SLC34A1: variants seen among roughly 807,000 people sequenced by gnomAD.
The protein encoded by SLC34A1 is sodium-dependent phosphate transport protein 2A.
SLC34A1 carries 57 observed loss-of-function variants against 51.4 expected under a neutral mutation model. The ratio of observed to expected loss-of-function variants is 1.11; its 90% CI spans 0.90 to 1.38. SLC34A1 has a LOEUF of 1.38. Among genes scored for constraint, SLC34A1 ranks in the 40% most tolerant of loss-of-function variants. SLC34A1 has a pLI of 0.00. For missense variants in SLC34A1, 796 were observed against 835.6 expected, an observed-to-expected ratio of 0.95 and a Z score of 0.58; for synonymous variants, 368 against 358.0, an observed-to-expected ratio of 1.03 and a Z score of -0.32.
At chr5:177,390,845 T>G (rs1416650533) in intron 8 of SLC34A1, among the ~76,000 whole-genome samples, 2 of 152,096 alleles carry the variant, frequency 1.3e-5, no homozygotes, top group African/African-American at 4.8e-5. Context: ...TAATTTAGGG[T>G]GTCCCTATAG....
intron 10 of SLC34A1, among the ~76,000 whole-genome samples, chr5:177,395,312 C>T (rs1001738105): frequency 2.6e-5 from 4 of 152,106 alleles, no homozygotes; most frequent in African/African-American, 4.8e-5. Flanking sequence ...GTTTCCAATG[C>T]GCTGTTTGAG....
intron 10 of SLC34A1, among the ~76,000 whole-genome samples, chr5:177,395,872 G>A (rs1762938845): frequency 6.6e-6 from 1 of 152,172 alleles, no homozygotes. Flanking sequence ...GGCCTCAAGT[G>A]AACCTCTCGC....
chr5:177,393,084 A>ACAGC (rs1762856500), intron 8 of SLC34A1, among the ~76,000 whole-genome samples: 1 of 152,152 alleles, frequency 6.6e-6, no homozygotes, highest in Admixed American at 6.5e-5. Context: ...TCTTCCACAC[A>ACAGC]CAGCCCGAGC....
chr5:177,386,544 C>T lies in SLC34A1; in HGVS notation c.510C>T (p.Ile170=), dbSNP rs552176812. 8.7e-5 allele frequency: 140 copies of T among 1,614,068 alleles called. 1 individual carries two copies. In the East Asian group the frequency reaches 2.0e-3, roughly 23 times the overall value. Residue 170 remains isoleucine (I), a synonymous_variant, in exon 5 of 13, where the codon ATC becomes ATT. Transcript: ENST00000324417. This position sits in a 1 kb window ranked among gnomAD's most constrained non-coding sequence, Gnocchi z 4.8. ...VQSSSTSTSI[I]VSMVSSGLLE... is the part of the protein sequence containing the mutation. Reference sequence around the variant, plus strand: ...GCTCCAGCACCTCCACATCCATCATCGTCAGCATGGTCTCCTCTGGCTGTG... The same window carrying T: ...GCTCCAGCACCTCCACATCCATCATTGTCAGCATGGTCTCCTCTGGCTGTG...
At position 177,398,744 on chromosome 5, in the gene SLC34A1, C is replaced by T. The variant is rs923925541; in HGVS notation, c.*458C>T. 5.1e-6 allele frequency: 1 copy of T among 195,350 alleles called. No homozygotes were observed. Among genetic ancestry groups the T allele is most frequent in the African/African-American group, 2.3e-5 (1 of 42,770 alleles). 12.1% of individuals were successfully genotyped at this position (195,350 alleles called of 1,614,324 possible). On this transcript the variant is annotated 3_prime_UTR_variant, in exon 13 of 13. Coordinates refer to ENST00000324417, the MANE Select transcript of SLC34A1 (RefSeq NM_003052.5). The surrounding 1 kb of genome is among the most constrained non-coding windows in gnomAD (Gnocchi z 4.7). ...TGCCACCTTCCTTCCTCCAAGATACCATCTCCTCATCCTAACCCAGGTCTT... is the reference window on the plus strand; with the variant it reads ...TGCCACCTTCCTTCCTCCAAGATACTATCTCCTCATCCTAACCCAGGTCTT...
Position 177,398,191 on chromosome 5 carries a change from C to T in SLC34A1, c.1825C>T (p.Pro609Ser), listed in dbSNP as rs931407217. The part of the protein sequence containing the change: ...CCARPEPRSP[P>S]LPPRVFLEEL... ...TGCCAGGCCTGAGCCCCGCTCACCC[C>T]CGCTGCCCCCCAGGGTCTTCCTGGA... Residue 609 changes from proline (P) to serine (S), a missense_variant, in exon 13 of 13, where the codon CCG (proline) becomes TCG (serine). By Grantham distance (74) the Pro-to-Ser change is moderately conservative. Coordinates refer to ENST00000324417, the MANE Select transcript of SLC34A1 (RefSeq NM_003052.5). The surrounding 1 kb of genome is among the most constrained non-coding windows in gnomAD (Gnocchi z 4.7). 2.1e-5 allele frequency: 34 copies of T among 1,610,024 alleles called. No individual in the cohort carries two copies. Among genetic ancestry groups the T allele is most frequent in the Non-Finnish European group, 2.9e-5 (34 of 1,179,886 alleles).
chr5:177,390,527 T>G (rs1762764721), intron 8 of SLC34A1: 1 of 274,438 alleles, frequency 3.6e-6, no homozygotes, highest in African/African-American at 2.3e-5. Context: ...TCTCGTTGCC[T>G]CTCTCACTCA....
chr5:177,386,329 C>G lies in SLC34A1; in HGVS notation c.368C>G (p.Ser123Trp). ...GTCTGCTCCCTGGACATGCTCAGCT[C>G]GGCCTTCCAGCTGGCTGGAGGTAGG... ...LFVCSLDMLS[S>W]AFQLAGGKVA... The change falls in exon 4 of 13, where the codon TCG (serine) becomes TGG (tryptophan). Residue 123 changes from serine (S) to tryptophan (W), a missense_variant. Ser to Trp is a radical substitution (Grantham distance 177). Transcript: ENST00000324417. The surrounding 1 kb of genome is among the most constrained non-coding windows in gnomAD (Gnocchi z 4.8). 6.2e-7 allele frequency: 1 copy of G among 1,614,264 alleles called. No individual in the cohort carries two copies. Among genetic ancestry groups the G allele is most frequent in the Non-Finnish European group, 8.5e-7 (1 of 1,180,048 alleles).
At chr5:177,394,228 C>T (rs1280391927) in intron 10 of SLC34A1, 33 bp downstream of exon 10, 1 of 1,609,728 alleles carries the variant, frequency 6.2e-7, no homozygotes, top group Admixed American at 1.7e-5. Context: ...GGCAGGGCCA[C>T]AGGATGGGCC....
At position 177,396,586 on chromosome 5, in the gene SLC34A1, G is replaced by A. The variant is rs78939865; in HGVS notation, c.1175-147G>A. On this transcript the variant is annotated intron_variant, in intron 10 of 12. Transcript: ENST00000324417. This position sits in a 1 kb window ranked among gnomAD's most constrained non-coding sequence, Gnocchi z 4.0. Reference sequence around the variant, plus strand: ...GGAGGTCCTCTCTCCCAGTGCCCCCGCGGAGGTCCTCTCTCCCAGTGCCCC... The same window carrying A: ...GGAGGTCCTCTCTCCCAGTGCCCCCACGGAGGTCCTCTCTCCCAGTGCCCC... 6 of 331,188 alleles carry A rather than the reference G, an allele frequency of 1.8e-5. No homozygotes were observed. The highest frequency in any genetic ancestry group is 5.0e-5 in the East Asian group (1 of 19,848). The allele number at this position is 331,188 out of a possible 1,614,324, so 20.5% of individuals were successfully genotyped here. A position where few individuals can be genotyped will look rare whatever the true frequency, so the allele number is the denominator to read the frequency against.
Position 177,394,024 on chromosome 5 carries a change from G to A in SLC34A1, c.1007-4G>A. ...TCAGCTGTCAGGAGCTCCACCCCCT[G>A]CAGGCAACCACATCTTTGTGGACAC... On this transcript the variant is annotated splice_polypyrimidine_tract_variant and splice_region_variant and intron_variant, in intron 9 of 12. Coordinates refer to ENST00000324417, the MANE Select transcript of SLC34A1 (RefSeq NM_003052.5). 6.2e-7 allele frequency: 1 copy of A among 1,614,016 alleles called. No individual in the cohort carries two copies. Among genetic ancestry groups the A allele is most frequent in the Non-Finnish European group, 8.5e-7 (1 of 1,180,034 alleles).
Position 177,388,522 on chromosome 5 carries a change from T to A in SLC34A1, c.936+150T>A. On this transcript the variant is annotated intron_variant, in intron 8 of 12. Coordinates refer to ENST00000324417, the MANE Select transcript of SLC34A1 (RefSeq NM_003052.5). This position sits in a 1 kb window ranked among gnomAD's most constrained non-coding sequence, Gnocchi z 4.3. ...CCTTCTACTGTGCTTACAGTTAACA[T>A]TGCTAATTCCTCCCAACTTCCCACA... 2 of 721,652 alleles carry A rather than the reference T, an allele frequency of 2.8e-6. No individual in the cohort carries two copies. The allele number at this position is 721,652 out of a possible 1,614,324, so 44.7% of individuals were successfully genotyped here. A position where few individuals can be genotyped will look rare whatever the true frequency, so the allele number is the denominator to read the frequency against.
At position 177,396,486 on chromosome 5, in the gene SLC34A1, C is replaced by T; in HGVS notation, c.1175-247C>T. 7.6e-6 allele frequency among the ~76,000 whole-genome samples: 1 copy of T among 132,196 alleles called. No homozygotes were observed. The highest frequency in any genetic ancestry group is 2.2e-4 in the East Asian group (1 of 4,514). The allele number at this position is 132,196 out of a possible 152,430, so 86.7% of individuals were successfully genotyped here. A position where few individuals can be genotyped will look rare whatever the true frequency, so the allele number is the denominator to read the frequency against. On this transcript the variant is annotated intron_variant, in intron 10 of 12. Coordinates refer to ENST00000324417, the MANE Select transcript of SLC34A1 (RefSeq NM_003052.5). The surrounding 1 kb of genome is among the most constrained non-coding windows in gnomAD (Gnocchi z 4.0). ...GCTCTCCCAGTGCCCCCGCGGAGGTCCTCTCTCCCAGTGCCCCCGCGGAGG... is the reference window on the plus strand; with the variant it reads ...GCTCTCCCAGTGCCCCCGCGGAGGTTCTCTCTCCCAGTGCCCCCGCGGAGG...
chr5:177,394,539 A>C (rs892615528), intron 10 of SLC34A1, among the ~76,000 whole-genome samples: 1 of 152,356 alleles, frequency 6.6e-6, no homozygotes, highest in East Asian at 1.9e-4. Flanking sequence ...AGGGGCTCAC[A>C]GCCCAGCAGG....
intron 8 of SLC34A1, among the ~76,000 whole-genome samples, chr5:177,389,408 C>A (rs997709954): frequency 6.6e-6 from 1 of 152,108 alleles, no homozygotes; most frequent in African/African-American, 2.4e-5. Context: ...GGACCTTTAC[C>A]CTGGTGCGAA....
intron 8 of SLC34A1, chr5:177,390,176 G>T: frequency 1.0e-6 from 1 of 1,003,916 alleles, no homozygotes; most frequent in South Asian, 4.2e-5. Context: ...GAACCAGCCC[G>T]AAACAGTCTC....
chr5:177,397,535 G>C lies in SLC34A1; in HGVS notation c.1417-248G>C, dbSNP rs1028458459. ...TCTGCTGGGGGATTCCTGTGCGAGG[G>C]GTCAGTGGGGAAAATGTGGGGAGCT... On this transcript the variant is annotated intron_variant, in intron 12 of 12. Transcript: ENST00000324417. 7 of 592,000 alleles carry C rather than the reference G, an allele frequency of 1.2e-5. No homozygotes were observed. In the African/African-American group the frequency reaches 1.3e-4, roughly 11 times the overall value. The allele number at this position is 592,000 out of a possible 1,614,324, so 36.7% of individuals were successfully genotyped here.
intron 9 of SLC34A1, 97 bp from the exon 10 acceptor site, chr5:177,393,931 G>C: frequency 6.4e-7 from 1 of 1,550,538 alleles, no homozygotes; most frequent in Non-Finnish European, 8.9e-7. Context: ...CAAGGAGCCT[G>C]AGATGGGGCC....
At chr5:177,385,174 T>C (rs955113088) in intron 1 of SLC34A1, among the ~76,000 whole-genome samples, 2 of 152,078 alleles carry the variant, frequency 1.3e-5, no homozygotes, top group Admixed American at 1.3e-4. Context: ...AAGGCAGGTG[T>C]CTGCAGCTCC....
Sources: gnomAD v4.1 joint callset for allele counts (sites outside exome capture counted in the v4.1 genomes callset) on GRCh38, gnomAD v4.1.1 for gene constraint, Gnocchi (gnomAD v3.1) non-coding constraint, MANE v1.5 for transcripts, NCBI Gene and HGNC (gene_info 2026-07-23, HGNC 2026-07-21) for gene names.